Variants in FOXP2 observed in about 807,000 individuals in gnomAD.
FOXP2 encodes forkhead box P2.
Under a neutral mutation model 115.8 loss-of-function variants are expected in FOXP2, and 12 were observed. The ratio of observed to expected loss-of-function variants is 0.10; its 90% CI spans 0.07 to 0.17. The LOEUF (loss-of-function observed/expected upper bound fraction) is 0.17. Ranked by LOEUF, FOXP2 falls within the 10% of genes least tolerant of loss-of-function variation. The pLI is 1.00. For synonymous variants in FOXP2, 328 were observed against 297.7 expected, an observed-to-expected ratio of 1.10 and a Z score of -1.05; for missense variants, 629 against 843.5, an observed-to-expected ratio of 0.75 and a Z score of 3.15.
intron 1 of FOXP2, among the ~76,000 whole-genome samples, chr7:114,216,327 T>G (rs1434283113): frequency 6.6e-6 from 1 of 152,194 alleles, no homozygotes; most frequent in African/African-American, 2.4e-5. Context: ...GTTTTTCTGT[T>G]CGGCATTTAT....
chr7:114,090,610 T>A (rs1223532863), intron 1 of FOXP2, among the ~76,000 whole-genome samples: 1 of 151,608 alleles, frequency 6.6e-6, no homozygotes, highest in Non-Finnish European at 1.5e-5. Context: ...CTTGAAACTT[T>A]AAAAAAAACA....
intron 3 of FOXP2, among the ~76,000 whole-genome samples, chr7:114,587,376 A>C (rs753876700): frequency 6.6e-6 from 1 of 151,840 alleles, no homozygotes; most frequent in Non-Finnish European, 1.5e-5. Flanking sequence ...TTCTGTTCCT[A>C]TGTTAGTTTG....
intron 2 of FOXP2, among the ~76,000 whole-genome samples, chr7:114,491,977 C>G (rs57852367): frequency 0.024 from 3,665 of 152,080 alleles, 110 homozygotes; most frequent in African/African-American, 0.07. Context: ...AATAGTTTCA[C>G]AAGGAATGGT....
chr7:114,658,369 T>C, intron 11 of FOXP2, 102 bp downstream of exon 11: 2 of 1,176,288 alleles, frequency 1.7e-6, no homozygotes, highest in South Asian at 2.6e-5. Context: ...GAAACTCATG[T>C]CATGATTTAT....
chr7:114,565,013 C>T (rs1800937254), intron 3 of FOXP2, among the ~76,000 whole-genome samples: 1 of 150,962 alleles, frequency 6.6e-6, no homozygotes, highest in African/African-American at 2.4e-5. Context: ...ATTAATATTT[C>T]ACAAATGTAG....
At chr7:114,560,057 C>T (rs891272115) in intron 3 of FOXP2, among the ~76,000 whole-genome samples, 5 of 151,944 alleles carry the variant, frequency 3.3e-5, no homozygotes, top group Admixed American at 1.3e-4. Flanking sequence ...TTAAGCTAGC[C>T]TTTCTTTTAA....
Position 114,628,649 on chromosome 7 carries a change from A to G in FOXP2, c.368A>G (p.Gln123Arg). Residue 123 changes from glutamine (Q) to arginine (R), a missense_variant, in exon 4 of 17, where the codon CAA becomes CGA. Coordinates refer to ENST00000350908, the MANE Select transcript of FOXP2 (RefSeq NM_014491.4). The stretch of plus-strand genomic sequence containing the variant: ...CCTCAGCAGCTACAAGCCCTTCTCC[A>G]ACAACAGCAGGCTGTCATGCTGCAG... ...LSPQQLQALL[Q>R]QQQAVMLQQQ... The G allele has an allele frequency of 6.2e-7, 1 of 1,614,058 alleles. No homozygotes were observed. Among genetic ancestry groups the G allele is most frequent in the South Asian group, 1.1e-5 (1 of 91,078 alleles).
intron 2 of FOXP2, among the ~76,000 whole-genome samples, chr7:114,367,322 A>G (rs1214679221): frequency 2.0e-5 from 3 of 152,108 alleles, no homozygotes; most frequent in African/African-American, 7.2e-5. Flanking sequence ...TACTGTCACT[A>G]TCAAGGAAAA....
intron 3 of FOXP2, among the ~76,000 whole-genome samples, chr7:114,553,723 C>A (rs1409471239): frequency 6.6e-6 from 1 of 151,992 alleles, no homozygotes; most frequent in Non-Finnish European, 1.5e-5. Flanking sequence ...TTTGAATACA[C>A]ATAAAAACAA....
intron 10 of FOXP2, among the ~76,000 whole-genome samples, chr7:114,655,752 C>G (rs1806552935): frequency 6.6e-6 from 1 of 152,144 alleles, no homozygotes; most frequent in African/African-American, 2.4e-5. Context: ...GAGAAATGAG[C>G]TCTGTTGGTT....
At chr7:114,118,799 A>G (rs1246022166) in intron 1 of FOXP2, among the ~76,000 whole-genome samples, 3 of 152,148 alleles carry the variant, frequency 2.0e-5, no homozygotes, top group African/African-American at 4.8e-5. Flanking sequence ...AAGTACAGTT[A>G]CAGAGGTTTG....
chr7:114,668,276 A>G (rs1249268461), intron 16 of FOXP2: 1 of 152,092 alleles, frequency 6.6e-6, no homozygotes, highest in Non-Finnish European at 1.5e-5. Flanking sequence ...GAAGAGTGAA[A>G]TAGATATGGT....
chr7:114,306,971 G>C (rs1018321536), intron 2 of FOXP2, among the ~76,000 whole-genome samples: 2 of 152,068 alleles, frequency 1.3e-5, no homozygotes, highest in African/African-American at 4.8e-5. Context: ...AATTCCAGAC[G>C]ATCTCCCTAT....
chr7:114,630,052 A>C, intron 5 of FOXP2, 47 bp downstream of exon 5: 2 of 1,602,792 alleles, frequency 1.2e-6, no homozygotes, highest in Non-Finnish European at 1.7e-6. Context: ...GCAGTTAAGA[A>C]GGGGCTTTGA....
At chr7:114,270,249 G>C (rs1205444034) in intron 1 of FOXP2, among the ~76,000 whole-genome samples, 1 of 152,060 alleles carries the variant, frequency 6.6e-6, no homozygotes, top group Non-Finnish European at 1.5e-5. Flanking sequence ...TAGCCCCCAA[G>C]TTTTGGTAAT....
intron 2 of FOXP2, among the ~76,000 whole-genome samples, chr7:114,380,002 T>C (rs766318804): frequency 1.3e-4 from 20 of 152,304 alleles, no homozygotes; most frequent in Middle Eastern, 3.4e-3. Flanking sequence ...TAGGGCTTGG[T>C]TTCCCAGAGG....
upstream of FOXP2, among the ~76,000 whole-genome samples, chr7:114,410,312 A>G (rs1348046939): frequency 6.6e-6 from 1 of 152,128 alleles, no homozygotes; most frequent in Non-Finnish European, 1.5e-5. Context: ...GACACCCAAC[A>G]GAGTACTCTG....
intron 1 of FOXP2, among the ~76,000 whole-genome samples, chr7:114,281,631 TC>T (rs1443400174): frequency 1.3e-5 from 2 of 152,272 alleles, no homozygotes; most frequent in East Asian, 3.9e-4. Context: ...TTTTACATTA[TC>T]TGACAGAACA....
rs749575640 is a variant in FOXP2 at position 114,522,688 on chromosome 7, T to A, written c.169-11929T>A. On this transcript the variant is annotated intron_variant, in intron 2 of 16. Coordinates refer to ENST00000350908, the MANE Select transcript of FOXP2 (RefSeq NM_014491.4). ...AATTTACATGGATGTAGTTACAGAATTATTAAGGAATGATTATTTTCACCA... is the reference window on the plus strand; with the variant it reads ...AATTTACATGGATGTAGTTACAGAAATATTAAGGAATGATTATTTTCACCA... 1.2e-4 allele frequency among the ~76,000 whole-genome samples: 19 copies of A among 152,290 alleles called. No homozygotes were observed. In the Middle Eastern group the frequency reaches 0.01, roughly 82 times the overall value.
Sources: allele counts gnomAD v4.1 joint callset (sites outside exome capture counted in the v4.1 genomes callset), GRCh38; gene constraint gnomAD v4.1.1; transcripts MANE v1.5; gene names NCBI Gene and HGNC (gene_info 2026-07-23, HGNC 2026-07-21).